Variants in COL4A3 observed in about 807,000 individuals in gnomAD.
COL4A3 encodes the protein collagen type IV alpha 3 chain.
Under a neutral mutation model 217.4 loss-of-function variants are expected in COL4A3, and 135 were observed. That is an observed-to-expected ratio of 0.62 (90% CI 0.54 to 0.72). COL4A3 has a LOEUF of 0.72. COL4A3 is among the 30% of genes least tolerant of loss of function. The probability of loss-of-function intolerance (pLI) is 0.00; values close to 1 mark genes in which losing one functional copy is unlikely to be tolerated. For synonymous variants in COL4A3, 690 were observed against 736.3 expected, an observed-to-expected ratio of 0.94 and a Z score of 1.02; for missense variants, 1,868 against 2,119.9, an observed-to-expected ratio of 0.88 and a Z score of 2.33.
rs940935098 is a variant in COL4A3, at chr2:227,168,848, T to C, written c.87+4035T>C. Among the ~76,000 whole-genome samples the C allele has an allele frequency of 2.6e-5, 4 of 152,172 alleles. No homozygotes were observed. In the East Asian group the frequency reaches 7.7e-4, roughly 29 times the overall value. ...TAGATGACAAATCGTCCCAACATTTTCAATCAAATAGTATATTCTTTCCTT... is the reference window on the plus strand; with the variant it reads ...TAGATGACAAATCGTCCCAACATTTCCAATCAAATAGTATATTCTTTCCTT... On this transcript the variant is annotated intron_variant, in intron 1 of 51. Transcript: ENST00000396578.
chr2:227,256,228 G>A (rs2070162364), intron 16 of COL4A3, 115 bp from the exon 17 acceptor site: 2 of 1,147,196 alleles, frequency 1.7e-6, no homozygotes, highest in African/African-American at 1.5e-5. Flanking sequence ...CCACTGTGAA[G>A]AGAGATCATC....
At chr2:227,209,981 C>T (rs1023437438) in intron 1 of COL4A3, among the ~76,000 whole-genome samples, 2 of 152,190 alleles carry the variant, frequency 1.3e-5, no homozygotes, top group African/African-American at 4.8e-5. Flanking sequence ...AGGCAAGTTG[C>T]TTAGCTTTCT....
At chr2:227,246,510 T>G (rs1389879868) in intron 6 of COL4A3, among the ~76,000 whole-genome samples, 175 bp from the exon 7 acceptor site, 1 of 152,180 alleles carries the variant, frequency 6.6e-6, no homozygotes, top group Admixed American at 6.5e-5. Flanking sequence ...AATCCTGTTT[T>G]TAATTAAGAT....
chr2:227,300,624 C>T (rs1370729890), intron 43 of COL4A3, among the ~76,000 whole-genome samples: 2 of 152,180 alleles, frequency 1.3e-5, no homozygotes, highest in Non-Finnish European at 1.5e-5. Flanking sequence ...TGAGTGTCTA[C>T]TCTGTACCAA....
At chr2:227,195,711 G>GTGTGTGTGTGTGTGT (rs2066448012) in intron 1 of COL4A3, among the ~76,000 whole-genome samples, 1 of 147,890 alleles carries the variant, frequency 6.8e-6, no homozygotes, top group East Asian at 2.0e-4. Context: ...GTGTGTGTAT[G>GTGTGTGTGTGTGTGT]CTGTAGAACA....
chr2:227,311,054 C>T, intron 51 of COL4A3, 106 bp downstream of exon 51: 1 of 1,159,442 alleles, frequency 8.6e-7, no homozygotes, highest in Non-Finnish European at 1.3e-6. Context: ...TACTACTGTG[C>T]CAATAAAGAC....
intron 26 of COL4A3, among the ~76,000 whole-genome samples, chr2:227,273,865 G>C (rs1269561090): frequency 1.3e-5 from 2 of 152,204 alleles, no homozygotes; most frequent in Non-Finnish European, 2.9e-5. Context: ...CTGGATTCAG[G>C]AGTGTGGCTG....
intron 1 of COL4A3, among the ~76,000 whole-genome samples, chr2:227,206,046 T>A (rs2067088399): frequency 1.3e-5 from 2 of 151,956 alleles, no homozygotes; most frequent in African/African-American, 4.8e-5. Flanking sequence ...GGGTGTAGCC[T>A]GGGCATTAGG....
chr2:227,204,743 A>C (rs1282774445), intron 1 of COL4A3, among the ~76,000 whole-genome samples: 1 of 152,226 alleles, frequency 6.6e-6, no homozygotes, highest in East Asian at 1.9e-4. Context: ...GTTCATGCGT[A>C]GCTTCCATAT....
rs193114198 is a variant in COL4A3, at chr2:227,275,905, A to T, written c.1928-480A>T. ...CAATTTTTTGGAATAGGCTCTTTTC[A>T]ATAGACCAGCATGTTGGGCTATTAA... On this transcript the variant is annotated intron_variant, in intron 26 of 51. Coordinates refer to ENST00000396578, the MANE Select transcript of COL4A3 (RefSeq NM_000091.5). Among the ~76,000 whole-genome samples the T allele has an allele frequency of 2.2e-3, 335 of 151,060 alleles. 4 individuals carry two copies. The highest frequency in any genetic ancestry group is 3.5e-3 in the East Asian group (18 of 5,098).
intron 28 of COL4A3, chr2:227,279,576 C>A: frequency 1.8e-6 from 1 of 542,620 alleles, no homozygotes; most frequent in Non-Finnish European, 3.3e-6. Flanking sequence ...AATCATGGCC[C>A]TACTAAACAA....
intron 23 of COL4A3, among the ~76,000 whole-genome samples, chr2:227,267,794 A>G (rs1234347792): frequency 2.5e-4 from 2 of 8,054 alleles, no homozygotes; most frequent in Admixed American, 1.5e-3. Flanking sequence ...TTTGAAAGGA[A>G]AAAAAAAAAA....
At chr2:227,254,633 T>C in intron 14 of COL4A3, 23 bp from the exon 15 acceptor site, 1 of 1,581,102 alleles carries the variant, frequency 6.3e-7, no homozygotes, top group Non-Finnish European at 8.7e-7. Flanking sequence ...TCATAAAATT[T>C]GACATGGCTC....
chr2:227,290,518 C>CA lies in COL4A3; in HGVS notation c.3071-221dup, dbSNP rs753262433. Among the ~76,000 whole-genome samples, 66 of 151,304 alleles carry CA rather than the reference C, an allele frequency of 4.4e-4. 1 individual carries two copies. Among genetic ancestry groups the CA allele is most frequent in the Admixed American group, 5.9e-4 (9 of 15,188 alleles). On this transcript the variant is annotated intron_variant, in intron 36 of 51. Transcript: ENST00000396578. The stretch of plus-strand genomic sequence containing the variant: ...CCATCTCAAAAAAAACCAACAACAA[C>CA]AAAAAAAACAGATTTCCTATTAGAC...
chr2:227,312,260 A>G lies in COL4A3; in HGVS notation c.*390A>G. Reference sequence around the variant, plus strand: ...CTTTAAGACTCAGGGAGGCTAAATCAGTGTTTGATTGCCCCGCCAACCCTT... The same window carrying G: ...CTTTAAGACTCAGGGAGGCTAAATCGGTGTTTGATTGCCCCGCCAACCCTT... On this transcript the variant is annotated 3_prime_UTR_variant, in exon 52 of 52. Coordinates refer to ENST00000396578, the MANE Select transcript of COL4A3 (RefSeq NM_000091.5). 1 of 262,442 alleles carries G rather than the reference A, an allele frequency of 3.8e-6. No homozygotes were observed. 16.3% of individuals were successfully genotyped at this position (262,442 alleles called of 1,614,324 possible). A position where few individuals can be genotyped will look rare whatever the true frequency, so the allele number is the denominator to read the frequency against.
intron 1 of COL4A3, among the ~76,000 whole-genome samples, chr2:227,174,404 C>G (rs1158712415): frequency 1.3e-5 from 2 of 152,186 alleles, no homozygotes; most frequent in African/African-American, 4.8e-5. Flanking sequence ...CTCTCTTTTT[C>G]TTGTCTGAAA....
intron 2 of COL4A3, among the ~76,000 whole-genome samples, chr2:227,238,718 T>C (rs1317219260): frequency 6.6e-6 from 1 of 150,684 alleles, no homozygotes; most frequent in African/African-American, 2.4e-5. Context: ...ATTTAAGCTC[T>C]TTATCTAAAC....
chr2:227,273,042 T>C lies in COL4A3; in HGVS notation c.1852T>C (p.Tyr618His). The change falls in exon 26 of 52, where the codon TAC (tyrosine) becomes CAC (histidine). Residue 618 changes from tyrosine to histidine, a missense_variant. Tyr to His is a moderately conservative substitution (Grantham distance 83). This residue lies in a region of COL4A3 where 1,503 missense variants were observed against 1,786.1 expected (regional missense o/e 0.84). Coordinates refer to ENST00000396578, the MANE Select transcript of COL4A3 (RefSeq NM_000091.5). ...GPAGPAGPPG[Y>H]GPQGEPGLQG... Reference sequence around the variant, plus strand: ...TGCAGGACCAGCTGGACCACCTGGCTACGGACCCCAAGGAGAACCTGGTCT... The same window carrying C: ...TGCAGGACCAGCTGGACCACCTGGCCACGGACCCCAAGGAGAACCTGGTCT... 6.2e-7 allele frequency: 1 copy of C among 1,614,094 alleles called. No individual in the cohort carries two copies.
At position 227,246,234 on chromosome 2, in the gene COL4A3, C is replaced by T. The variant is rs1171053319; in HGVS notation, c.387+218C>T. ...GGAAAGTTCTCCCACAGAAAGAAAACTTGGAGCTCAACTGGTTGTTTTCAT... is the reference window on the plus strand; with the variant it reads ...GGAAAGTTCTCCCACAGAAAGAAAATTTGGAGCTCAACTGGTTGTTTTCAT... On this transcript the variant is annotated intron_variant, in intron 6 of 51. Transcript: ENST00000396578. The T allele has an allele frequency of 5.1e-6, 3 of 591,018 alleles. No individual in the cohort carries two copies. The East Asian group carries it at 8.9e-5, about 17-fold the overall frequency. 36.6% of individuals were successfully genotyped at this position (591,018 alleles called of 1,614,324 possible). A position where few individuals can be genotyped will look rare whatever the true frequency, so the allele number is the denominator to read the frequency against.
Sources: gnomAD v4.1 joint callset for allele counts (sites outside exome capture counted in the v4.1 genomes callset) on GRCh38, gnomAD v4.1.1 for gene constraint, gnomAD v4.1.1 regional missense constraint, MANE v1.5 for transcripts, NCBI Gene and HGNC (gene_info 2026-07-23, HGNC 2026-07-21) for gene names.